Variants in C11orf65 observed in about 807,000 individuals in gnomAD.
C11orf65 encodes protein MFI.
In C11orf65, 38 loss-of-function variants were observed where a neutral mutation model predicts 35.3. The observed-to-expected ratio is 1.08, with a 90% CI of 0.83 to 1.41. The LOEUF is 1.41. Among genes scored for constraint, C11orf65 ranks in the 40% most tolerant of loss-of-function variants. C11orf65 has a pLI of 0.00. For synonymous variants in C11orf65, 105 were observed against 114.4 expected, an observed-to-expected ratio of 0.92 and a Z score of 0.53; for missense variants, 370 against 367.1, an observed-to-expected ratio of 1.01 and a Z score of -0.06.
intron 2 of C11orf65, chr11:108,336,409 G>A (rs531579477): frequency 6.3e-6 from 1 of 158,394 alleles, no homozygotes; most frequent in African/African-American, 2.4e-5. Context: ...TTTGTAAAAA[G>A]TATTTATTAA....
intron 2 of C11orf65, among the ~76,000 whole-genome samples, chr11:108,458,937 T>C (rs2093438375): frequency 6.6e-6 from 1 of 152,202 alleles, no homozygotes. Context: ...TGTCCATTAA[T>C]ACTTAAGAAT....
Position 108,387,127 on chromosome 11 carries a change from TTTC to T in C11orf65, c.732-1155_732-1153del, listed in dbSNP as rs1436614399. 1.3e-4 allele frequency among the ~76,000 whole-genome samples: 20 copies of T among 149,420 alleles called. 1 individual carries two copies. The East Asian group carries it at 3.4e-3, about 25-fold the overall frequency. On this transcript the variant is annotated intron_variant, in intron 7 of 8. Transcript: ENST00000393084. ...CATGTAATTCAGAAAACACTGTGATTTTCTTTTCTTTTCTTTCTTTCTTTTTTT... is the reference window on the plus strand; with the variant it reads ...CATGTAATTCAGAAAACACTGTGATTTTTTCTTTTCTTTCTTTCTTTTTTT...
At chr11:108,392,975 A>G (rs937731970) in intron 7 of C11orf65, among the ~76,000 whole-genome samples, 2 of 152,242 alleles carry the variant, frequency 1.3e-5, no homozygotes, top group South Asian at 4.1e-4. Context: ...GCATAAGAAT[A>G]AAGTCTAAGA....
intron 3 of C11orf65, among the ~76,000 whole-genome samples, chr11:108,427,825 CTTTTTTTTTTT>C (rs1164726398): frequency 1.7e-5 from 1 of 59,020 alleles, no homozygotes; most frequent in South Asian, 8.6e-4. Flanking sequence ...GAATGGCAAT[CTTTTTTTTTTT>C]TTTTTTTTTT....
chr11:108,462,551 G>C (rs1251444937), intron 1 of C11orf65: 1 of 152,116 alleles, frequency 6.6e-6, no homozygotes, highest in Non-Finnish European at 1.5e-5. Flanking sequence ...TACATACCCT[G>C]TTGTATGACT....
rs2085520732 is a variant in C11orf65 at position 108,325,189 on chromosome 11, C to T, written c.641-16118G>A. 3 of 683,110 alleles carry T rather than the reference C, an allele frequency of 4.4e-6. No individual in the cohort carries two copies. The Admixed American group carries it at 8.8e-5, about 20-fold the overall frequency. The allele number at this position is 683,110 out of a possible 1,614,324, so 42.3% of individuals were successfully genotyped here. A position where few individuals can be genotyped will look rare whatever the true frequency, so the allele number is the denominator to read the frequency against. ...GATTATTTACAAGTTCTAGTCTTGT[C>T]ACTACAAAAGTTCCTTTGTATTATT... On this transcript the variant is annotated intron_variant, in intron 6 of 6. Transcript: ENST00000525729.
intron 2 of C11orf65, chr11:108,343,160 T>A (rs916021017): frequency 2.5e-6 from 4 of 1,595,230 alleles, no homozygotes; most frequent in Admixed American, 1.7e-5. Flanking sequence ...GATAGCTGAA[T>A]GATCATCAAA....
intron 3 of C11orf65, 97 bp downstream of exon 3, chr11:108,431,649 T>C (rs528698492): frequency 1.6e-6 from 1 of 643,862 alleles, no homozygotes; most frequent in Admixed American, 3.1e-5. Flanking sequence ...AAAAACAGTT[T>C]TAAAAAGAAA....
intron 2 of C11orf65, among the ~76,000 whole-genome samples, chr11:108,439,973 C>A (rs1188357490): frequency 6.6e-6 from 1 of 152,076 alleles, no homozygotes; most frequent in Non-Finnish European, 1.5e-5. Flanking sequence ...ATGTTATGAA[C>A]ATTTTACTAC....
chr11:108,428,949 C>T (rs1158716811), intron 3 of C11orf65, among the ~76,000 whole-genome samples: 1 of 152,202 alleles, frequency 6.6e-6, no homozygotes, highest in South Asian at 2.1e-4. Flanking sequence ...GAGTTTGAGA[C>T]GAGCCTGCGT....
intron 7 of C11orf65, among the ~76,000 whole-genome samples, chr11:108,388,322 A>T (rs1013391237): frequency 1.3e-5 from 2 of 152,212 alleles, no homozygotes; most frequent in Non-Finnish European, 2.9e-5. Context: ...ATTGATAAGA[A>T]ATCTAAGTTT....
chr11:108,446,024 T>C (rs1220947814), intron 2 of C11orf65, among the ~76,000 whole-genome samples: 2 of 151,660 alleles, frequency 1.3e-5, no homozygotes, highest in African/African-American at 2.4e-5. Context: ...AGGGTATCAG[T>C]GATGGAAGAT....
downstream of C11orf65, among the ~76,000 whole-genome samples, chr11:108,381,946 C>G (rs1001617221): frequency 2.6e-5 from 4 of 152,142 alleles, no homozygotes; most frequent in African/African-American, 9.7e-5. Context: ...CTCTCTCTCT[C>G]TCTCTCTCTC....
At chr11:108,452,599 T>C (rs1396902259) in intron 2 of C11orf65, among the ~76,000 whole-genome samples, 2 of 152,200 alleles carry the variant, frequency 1.3e-5, no homozygotes, top group Non-Finnish European at 2.9e-5. Context: ...TGGCAATTCC[T>C]CAAGGATCTA....
At chr11:108,357,220 T>C (rs2090077631) in intron 2 of C11orf65, among the ~76,000 whole-genome samples, 1 of 152,190 alleles carries the variant, frequency 6.6e-6, no homozygotes, top group African/African-American at 2.4e-5. Context: ...CCCACCCGAA[T>C]ATTGCGCTTT....
At chr11:108,335,987 C>A in intron 2 of C11orf65, 2 of 1,533,652 alleles carry the variant, frequency 1.3e-6, no homozygotes, top group South Asian at 2.2e-5. Flanking sequence ...TCTGTTAGTT[C>A]ACCAAAAACA....
intron 2 of C11orf65, chr11:108,365,030 A>C: frequency 6.3e-7 from 1 of 1,592,990 alleles, no homozygotes; most frequent in Non-Finnish European, 8.6e-7. Context: ...GTTTCTAAGT[A>C]TGTGATTAAA....
intron 3 of C11orf65, among the ~76,000 whole-genome samples, chr11:108,424,888 C>T (rs115284986): frequency 0.017 from 2,565 of 152,278 alleles, 64 homozygotes; most frequent in African/African-American, 0.058. Context: ...AACCTTAACA[C>T]CTGCTCCTGA....
Position 108,431,701 on chromosome 11 carries a change from T to C in C11orf65, c.174+45A>G, listed in dbSNP as rs370574461. 3.3e-4 allele frequency: 351 copies of C among 1,064,602 alleles called. 2 individuals are homozygous for C. The highest frequency in any genetic ancestry group is 9.0e-4 in the Middle Eastern group (3 of 3,326). 65.9% of individuals were successfully genotyped at this position (1,064,602 alleles called of 1,614,324 possible). A position where few individuals can be genotyped will look rare whatever the true frequency, so the allele number is the denominator to read the frequency against. ...ACTGAATTGATAAAGTAATCACATT[T>C]TATGGAAAAATATAGGATGCTATAT... On this transcript the variant is annotated intron_variant, in intron 3 of 8. Coordinates refer to ENST00000393084, the MANE Select transcript of C11orf65 (RefSeq NM_152587.5).
Sources: allele counts gnomAD v4.1 joint callset (sites outside exome capture counted in the v4.1 genomes callset), GRCh38; gene constraint gnomAD v4.1.1; transcripts MANE v1.5; gene names NCBI Gene and HGNC (gene_info 2026-07-23, HGNC 2026-07-21).